The following NCALD variants were observed in gnomAD, a reference collection of about 807,000 sequenced individuals.
NCALD encodes neurocalcin-delta.
Under a neutral mutation model 18.6 loss-of-function variants are expected in NCALD, and 10 were observed. The ratio of observed to expected loss-of-function variants is 0.54; its 90% CI spans 0.33 to 0.91. The LOEUF (loss-of-function observed/expected upper bound fraction) is 0.91, where lower values mean the gene tolerates loss of function less well. NCALD is among the 40% of genes least tolerant of loss of function. NCALD has a pLI of 0.03. For missense variants in NCALD, 184 were observed against 247.6 expected, an observed-to-expected ratio of 0.74 and a Z score of 1.72; for synonymous variants, 88 against 87.4, an observed-to-expected ratio of 1.01 and a Z score of -0.04.
chr8:102,041,550 C>A (rs548309859), intron 1 of NCALD, among the ~76,000 whole-genome samples: 1 of 152,258 alleles, frequency 6.6e-6, no homozygotes, highest in South Asian at 2.1e-4. Context: ...ACAACCCCCA[C>A]AGTGAACCAC....
intron 4 of NCALD, among the ~76,000 whole-genome samples, chr8:101,843,352 G>C (rs1814723114): frequency 1.3e-5 from 2 of 152,174 alleles, no homozygotes; most frequent in African/African-American, 4.8e-5. Flanking sequence ...TACTGAATCA[G>C]AACTAGACGG....
intron 2 of NCALD, among the ~76,000 whole-genome samples, chr8:101,712,809 T>G (rs145849999): frequency 0.025 from 3,878 of 152,082 alleles, 127 homozygotes; most frequent in African/African-American, 0.077. Context: ...AAGAGACTTA[T>G]ACTCCCACAC....
At chr8:101,973,798 A>G (rs1054529900) in intron 2 of NCALD, among the ~76,000 whole-genome samples, 1 of 152,160 alleles carries the variant, frequency 6.6e-6, no homozygotes, top group Admixed American at 6.5e-5. Flanking sequence ...CTTTTTATAT[A>G]TCAAAGAATC....
intron 2 of NCALD, among the ~76,000 whole-genome samples, chr8:101,932,657 C>T (rs1393471853): frequency 6.6e-6 from 1 of 152,152 alleles, no homozygotes; most frequent in Non-Finnish European, 1.5e-5. Context: ...AATCATTCTT[C>T]TCTTCCTTTG....
intron 4 of NCALD, among the ~76,000 whole-genome samples, chr8:101,849,770 C>A (rs527941672): frequency 6.6e-6 from 1 of 152,106 alleles, no homozygotes; most frequent in Non-Finnish European, 1.5e-5. Flanking sequence ...GACAAGCTAG[C>A]GCTAACTTCT....
chr8:101,753,728 T>C, intron 1 of NCALD, among the ~76,000 whole-genome samples: 1 of 152,060 alleles, frequency 6.6e-6, no homozygotes, highest in Non-Finnish European at 1.5e-5. Context: ...TAGTGCGTGG[T>C]GTGGTGAGGA....
intron 4 of NCALD, among the ~76,000 whole-genome samples, chr8:101,801,651 T>C (rs1287548500): frequency 7.1e-5 from 5 of 70,498 alleles, no homozygotes; most frequent in African/African-American, 6.4e-4. Flanking sequence ...TACTTTTTTT[T>C]TTTTTTTTTT....
chr8:101,990,610 T>A (rs187331286), intron 2 of NCALD, among the ~76,000 whole-genome samples: 8 of 152,320 alleles, frequency 5.3e-5, no homozygotes, highest in African/African-American at 1.9e-4. Flanking sequence ...AAGGGGAGTT[T>A]CCTGCACAAG....
chr8:101,903,548 G>C (rs1817510904), intron 3 of NCALD, among the ~76,000 whole-genome samples: 1 of 152,128 alleles, frequency 6.6e-6, no homozygotes, highest in Non-Finnish European at 1.5e-5. Context: ...GCGAGGGAGA[G>C]AATGAGGACT....
intron 3 of NCALD, among the ~76,000 whole-genome samples, chr8:101,903,278 C>A (rs920947297): frequency 1.3e-5 from 2 of 151,104 alleles, no homozygotes; most frequent in Non-Finnish European, 2.9e-5. Flanking sequence ...CTCACTGCAA[C>A]CTCCGCCTCT....
chr8:102,010,383 T>G (rs1277882551), intron 2 of NCALD, among the ~76,000 whole-genome samples: 1 of 152,230 alleles, frequency 6.6e-6, no homozygotes, highest in East Asian at 1.9e-4. Context: ...GATCAGCAAT[T>G]ATAAAATATC....
intron 2 of NCALD, among the ~76,000 whole-genome samples, chr8:102,019,550 T>C (rs1822203413): frequency 6.6e-6 from 1 of 152,144 alleles, no homozygotes; most frequent in Non-Finnish European, 1.5e-5. Flanking sequence ...AAAGAAAACA[T>C]CTGGCCCAAA....
chr8:101,963,748 T>G (rs1190889453), intron 2 of NCALD, among the ~76,000 whole-genome samples: 2 of 152,166 alleles, frequency 1.3e-5, no homozygotes, highest in Non-Finnish European at 2.9e-5. Flanking sequence ...AACAAGCTAC[T>G]GTAAATTCAA....
At chr8:102,082,135 G>A (rs1479176423) in intron 1 of NCALD, among the ~76,000 whole-genome samples, 1 of 151,620 alleles carries the variant, frequency 6.6e-6, no homozygotes, top group South Asian at 2.1e-4. Context: ...CAATAAAAAG[G>A]TGTCAGTATT....
chr8:101,908,343 T>A (rs1346777544), intron 3 of NCALD, among the ~76,000 whole-genome samples: 1 of 151,590 alleles, frequency 6.6e-6, no homozygotes, highest in Non-Finnish European at 1.5e-5. Context: ...GTGGGGAGGG[T>A]GTTGTTTGGT....
chr8:101,809,370 A>G (rs2131131163), intron 4 of NCALD, among the ~76,000 whole-genome samples: 1 of 152,282 alleles, frequency 6.6e-6, no homozygotes, highest in East Asian at 1.9e-4. Flanking sequence ...TCAGAGAGAA[A>G]GAGTTTCTCA....
intron 4 of NCALD, among the ~76,000 whole-genome samples, chr8:101,857,683 G>A: frequency 6.6e-6 from 1 of 152,176 alleles, no homozygotes; most frequent in Non-Finnish European, 1.5e-5. Flanking sequence ...GTAAAAGAAG[G>A]AGAACAAGAT....
intron 1 of NCALD, among the ~76,000 whole-genome samples, chr8:101,770,990 G>T (rs561367355): frequency 6.6e-6 from 1 of 151,986 alleles, no homozygotes; most frequent in Non-Finnish European, 1.5e-5. Flanking sequence ...CAACTAAGAG[G>T]GTTCAGACAA....
chr8:101,836,797 G>A lies in NCALD; in HGVS notation c.-20+50344C>T, dbSNP rs75391447. 4.6e-5 allele frequency among the ~76,000 whole-genome samples: 7 copies of A among 152,192 alleles called. No individual in the cohort carries two copies. In the East Asian group the frequency reaches 1.3e-3, roughly 29 times the overall value. ...CCATTAAAAAGGCAAAATGAGGTTGGCCCAATCCCCTAATTCTCTGTTTGT... is the reference window on the plus strand; with the variant it reads ...CCATTAAAAAGGCAAAATGAGGTTGACCCAATCCCCTAATTCTCTGTTTGT... On this transcript the variant is annotated intron_variant, in intron 4 of 6. Coordinates refer to the NCALD transcript ENST00000311028.
Sources: allele counts gnomAD v4.1 joint callset (sites outside exome capture counted in the v4.1 genomes callset), GRCh38; gene constraint gnomAD v4.1.1; transcripts MANE v1.5; gene names NCBI Gene and HGNC (gene_info 2026-07-23, HGNC 2026-07-21).